Variants in FRAS1 observed in about 807,000 individuals in gnomAD.
FRAS1 encodes the protein extracellular matrix organizing protein FRAS1.
In FRAS1, 290 loss-of-function variants were observed where a neutral mutation model predicts 435.2. The ratio of observed to expected loss-of-function variants is 0.67; its 90% CI spans 0.61 to 0.73. The LOEUF is 0.73. Among genes scored for constraint, FRAS1 ranks in the 30% least tolerant of loss-of-function variants. The pLI, the probability that FRAS1 is intolerant of heterozygous loss-of-function variation, is 0.00. For synonymous variants in FRAS1, 1,800 were observed against 1,851.0 expected (o/e 0.97, Z 0.71); for missense variants, 4,860 against 5,001.5 (o/e 0.97, Z 0.85).
At chr4:78,366,189 T>TA (rs1731261216) in intron 22 of FRAS1, among the ~76,000 whole-genome samples, 1 of 152,072 alleles carries the variant, frequency 6.6e-6, no homozygotes. Flanking sequence ...TTAACTGAAT[T>TA]AAAAAATCTA....
chr4:78,187,248 T>C (rs1370887077), intron 2 of FRAS1, among the ~76,000 whole-genome samples: 1 of 152,142 alleles, frequency 6.6e-6, no homozygotes, highest in Non-Finnish European at 1.5e-5. Context: ...GAGGCACCCA[T>C]GGAGTGATGA....
chr4:78,175,525 A>T (rs957635320), intron 2 of FRAS1, among the ~76,000 whole-genome samples: 2 of 151,922 alleles, frequency 1.3e-5, no homozygotes, highest in African/African-American at 4.8e-5. Flanking sequence ...CAATAAGGGG[A>T]CTCTTTTCAG....
At chr4:78,369,570 G>A (rs1429604043) in intron 22 of FRAS1, among the ~76,000 whole-genome samples, 1 of 152,166 alleles carries the variant, frequency 6.6e-6, no homozygotes, top group Non-Finnish European at 1.5e-5. Context: ...CATAAATTCT[G>A]TTGCTGAATC....
At position 78,438,647 on chromosome 4, in the gene FRAS1, A is replaced by G; in HGVS notation, c.5295A>G (p.Ser1765=). The G allele has an allele frequency of 6.2e-7, 1 of 1,613,452 alleles. No individual in the cohort carries two copies. Among genetic ancestry groups the G allele is most frequent in the Non-Finnish European group, 8.5e-7 (1 of 1,179,498 alleles). ...LPSYGTLLRI[S]GSEVEELSEV... is the part of the protein sequence containing the mutation. The stretch of plus-strand genomic sequence containing the variant: ...CATATGGTACTCTCTTAAGAATCTC[A>G]GGATCTGAGGTGGAAGAGCTCTCAG... Residue 1765 remains serine (S), a synonymous_variant, in exon 39 of 74, where the codon TCA becomes TCG. Coordinates refer to ENST00000512123, the MANE Select transcript of FRAS1 (RefSeq NM_025074.7).
At chr4:78,497,484 A>G (rs1720540918) in intron 60 of FRAS1, among the ~76,000 whole-genome samples, 1 of 152,208 alleles carries the variant, frequency 6.6e-6, no homozygotes, top group Admixed American at 6.5e-5. Context: ...CTGGGACATA[A>G]TTGTTTCACT....
chr4:78,286,590 A>G lies in FRAS1; in HGVS notation c.1534+51A>G, dbSNP rs1727619978. The G allele has an allele frequency of 1.9e-6, 3 of 1,583,344 alleles. 1 individual carries two copies. Among genetic ancestry groups the G allele is most frequent in the South Asian group, 2.2e-5 (2 of 88,926 alleles). On this transcript the variant is annotated intron_variant, in intron 14 of 73. Transcript: ENST00000512123. ...GGCCAGCTACCAAGACAGCTCCCCA[A>G]CCCTGACCCCACCAAGTGATCTGGG... is the stretch of plus-strand genomic sequence containing the variant.
At chr4:78,231,695 G>A (rs1421391331) in intron 2 of FRAS1, among the ~76,000 whole-genome samples, 1 of 151,794 alleles carries the variant, frequency 6.6e-6, no homozygotes, top group East Asian at 1.9e-4. Flanking sequence ...AGAAATTTGA[G>A]CACTTATTAA....
At chr4:78,062,954 ACTC>A (rs1254992826) in intron 1 of FRAS1, among the ~76,000 whole-genome samples, 1 of 151,598 alleles carries the variant, frequency 6.6e-6, no homozygotes, top group Non-Finnish European at 1.5e-5. Flanking sequence ...TTAGAGAACT[ACTC>A]CTGTTGTCTC....
Position 78,508,905 on chromosome 4 carries a change from C to T in FRAS1, c.9679C>T (p.Gln3227Ter), listed in dbSNP as rs1379216288. 1 of 1,613,944 alleles carries T rather than the reference C, an allele frequency of 6.2e-7. No homozygotes were observed. Among genetic ancestry groups the T allele is most frequent in the Non-Finnish European group, 8.5e-7 (1 of 1,179,876 alleles). ...SEAGINQTSV[Q>*]FSWEVAAPTD... Reference sequence around the variant, plus strand: ...GGCCGGCATCAACCAGACATCTGTGCAGTTCAGCTGGGAAGTGGCTGCCCC... The same window carrying T: ...GGCCGGCATCAACCAGACATCTGTGTAGTTCAGCTGGGAAGTGGCTGCCCC... Residue 3227 changes from glutamine to a stop codon, truncating the protein, a stop_gained, in exon 63 of 74, where the codon CAG (glutamine) becomes TAG (stop). Transcript: ENST00000512123. LOFTEE classifies it high-confidence loss of function.
intron 47 of FRAS1, among the ~76,000 whole-genome samples, chr4:78,455,794 C>G (rs1280944673): frequency 1.3e-5 from 2 of 152,202 alleles, no homozygotes; most frequent in Non-Finnish European, 2.9e-5. Flanking sequence ...GCCACACCCT[C>G]ACATCAGGGT....
At chr4:78,506,657 A>C (rs1422040337) in intron 61 of FRAS1, among the ~76,000 whole-genome samples, 3 of 152,080 alleles carry the variant, frequency 2.0e-5, no homozygotes, top group Non-Finnish European at 2.9e-5. Flanking sequence ...ACAGTCTGTC[A>C]CGGCTTCCCT....
chr4:78,065,525 A>G (rs929768059), intron 1 of FRAS1, among the ~76,000 whole-genome samples: 13 of 152,114 alleles, frequency 8.5e-5, no homozygotes, highest in African/African-American at 2.7e-4. Context: ...GACAAAGTAC[A>G]TCTCCTGTAG....
intron 6 of FRAS1, among the ~76,000 whole-genome samples, chr4:78,260,993 T>A (rs28505974): frequency 0.028 from 4,242 of 152,252 alleles, 201 homozygotes; most frequent in African/African-American, 0.095. Flanking sequence ...TAATCATATC[T>A]GTTCCAATTA....
intron 2 of FRAS1, among the ~76,000 whole-genome samples, chr4:78,216,419 T>C: frequency 6.6e-6 from 1 of 152,240 alleles, no homozygotes; most frequent in Middle Eastern, 3.2e-3. Flanking sequence ...ATATTCACTA[T>C]AAATGATTAA....
In FRAS1 at chr4:78,252,451, C is replaced by A. The variant is rs372562343; in HGVS notation, c.369C>A (p.Val123=). Residue 123 remains valine, a synonymous_variant, in exon 5 of 74, where the codon GTC becomes GTA. Coordinates refer to ENST00000512123, the MANE Select transcript of FRAS1 (RefSeq NM_025074.7). ...TGTGCTCTTGCAATCATGGGGAAGTCCGATGTACCCCCCAACCATGCCCAC... is the reference window on the plus strand; with the variant it reads ...TGTGCTCTTGCAATCATGGGGAAGTACGATGTACCCCCCAACCATGCCCAC... ...CSVCSCNHGE[V]RCTPQPCPPL... 6.2e-7 allele frequency: 1 copy of A among 1,613,484 alleles called. No homozygotes were observed. Among genetic ancestry groups the A allele is most frequent in the African/African-American group, 1.3e-5 (1 of 74,810 alleles).
chr4:78,117,465 A>G (rs1231653596), intron 2 of FRAS1, among the ~76,000 whole-genome samples: 2 of 152,212 alleles, frequency 1.3e-5, no homozygotes, highest in East Asian at 1.9e-4. Context: ...ACTTTCAGAT[A>G]CACCAATCAG....
intron 69 of FRAS1, among the ~76,000 whole-genome samples, chr4:78,524,090 G>A (rs2109896647): frequency 6.6e-6 from 1 of 152,242 alleles, no homozygotes; most frequent in South Asian, 2.1e-4. Flanking sequence ...CCCTCCTCCT[G>A]GTTCCTACTC....
rs1444350069 is a variant in FRAS1 at position 78,403,084 on chromosome 4, A to G, written c.4129+2197A>G. Reference sequence around the variant, plus strand: ...TTAGTAAGTTTCCTGTTCTCATCGTACTTTCAACTACTGATTTTAAGCTAG... The same window carrying G: ...TTAGTAAGTTTCCTGTTCTCATCGTGCTTTCAACTACTGATTTTAAGCTAG... On this transcript the variant is annotated intron_variant, in intron 30 of 73. Coordinates refer to ENST00000512123, the MANE Select transcript of FRAS1 (RefSeq NM_025074.7). Among the ~76,000 whole-genome samples the G allele has an allele frequency of 1.3e-5, 2 of 152,110 alleles. 1 individual carries two copies. Among genetic ancestry groups the G allele is most frequent in the Non-Finnish European group, 2.9e-5 (2 of 68,008 alleles).
At chr4:78,528,542 C>T (rs1050875616) in intron 70 of FRAS1, among the ~76,000 whole-genome samples, 4 of 152,062 alleles carry the variant, frequency 2.6e-5, no homozygotes, top group Non-Finnish European at 5.9e-5. Flanking sequence ...TCTGGCTCAT[C>T]GCACTCCGCA....
Sources: gnomAD v4.1 joint callset for allele counts (sites outside exome capture counted in the v4.1 genomes callset) on GRCh38, gnomAD v4.1.1 for gene constraint, MANE v1.5 for transcripts, NCBI Gene and HGNC (gene_info 2026-07-23, HGNC 2026-07-21) for gene names.